ZFYVE9: variants seen among roughly 807,000 people sequenced by gnomAD.
ZFYVE9 encodes zinc finger FYVE-type containing 9, also known as zinc finger FYVE domain-containing protein 9.
Under a neutral mutation model 126.7 loss-of-function variants are expected in ZFYVE9, and 43 were observed. That is an observed-to-expected ratio of 0.34 (90% CI 0.27 to 0.44). The LOEUF is 0.44. ZFYVE9 is among the 20% of genes least tolerant of loss of function. The pLI is 1.00. For missense variants in ZFYVE9, 1,476 were observed against 1,697.0 expected, an observed-to-expected ratio of 0.87 and a Z score of 2.29; for synonymous variants, 521 against 597.4, an observed-to-expected ratio of 0.87 and a Z score of 1.87.
chr1:52,319,822 G>A (rs1439759446), intron 13 of ZFYVE9, among the ~76,000 whole-genome samples: 2 of 151,316 alleles, frequency 1.3e-5, no homozygotes, highest in Non-Finnish European at 2.9e-5. Context: ...AGACCATCCT[G>A]GCCAACATGG....
intron 1 of ZFYVE9, among the ~76,000 whole-genome samples, chr1:52,155,222 TTTC>T (rs1441725383): frequency 1.4e-5 from 2 of 146,278 alleles, no homozygotes; most frequent in Admixed American, 6.7e-5. Context: ...AGGAGCTGTT[TTTC>T]TTTTTTTTCT....
At chr1:52,160,974 T>C (rs1052174747) in intron 1 of ZFYVE9, among the ~76,000 whole-genome samples, 1 of 152,214 alleles carries the variant, frequency 6.6e-6, no homozygotes, top group African/African-American at 2.4e-5. Flanking sequence ...AGTTTGAGAT[T>C]GCATTAGCCT....
chr1:52,283,006 A>G (rs971575936), intron 10 of ZFYVE9, among the ~76,000 whole-genome samples: 3 of 152,192 alleles, frequency 2.0e-5, no homozygotes, highest in African/African-American at 7.2e-5. Flanking sequence ...GTGTAGCATT[A>G]CATAAGGGCA....
intron 1 of ZFYVE9, among the ~76,000 whole-genome samples, chr1:52,166,985 A>G (rs1644520166): frequency 6.6e-6 from 1 of 152,242 alleles, no homozygotes; most frequent in Admixed American, 6.5e-5. Context: ...TTTATAAAAA[A>G]TAATTCCCAT....
intron 1 of ZFYVE9, among the ~76,000 whole-genome samples, chr1:52,215,834 T>C (rs966818767): frequency 1.3e-5 from 2 of 152,218 alleles, no homozygotes; most frequent in African/African-American, 4.8e-5. Context: ...TAATACTGGG[T>C]TAATAGATCC....
chr1:52,299,643 G>A (rs943709626), intron 12 of ZFYVE9, among the ~76,000 whole-genome samples: 1 of 152,180 alleles, frequency 6.6e-6, no homozygotes, highest in Non-Finnish European at 1.5e-5. Flanking sequence ...TGTTCCCTGG[G>A]GCAGGGAGGT....
intron 1 of ZFYVE9, among the ~76,000 whole-genome samples, chr1:52,170,994 C>T (rs1267565516): frequency 6.6e-6 from 1 of 151,100 alleles, no homozygotes; most frequent in Non-Finnish European, 1.5e-5. Context: ...CAGATTAAGT[C>T]CGATGGTTTT....
intron 4 of ZFYVE9, among the ~76,000 whole-genome samples, chr1:52,245,625 C>G (rs1367581044): frequency 6.6e-6 from 1 of 152,194 alleles, no homozygotes; most frequent in Non-Finnish European, 1.5e-5. Flanking sequence ...AGTTACGATT[C>G]AAACTCAGGG....
At chr1:52,219,427 A>G (rs145450233) in intron 2 of ZFYVE9, among the ~76,000 whole-genome samples, 39 of 152,020 alleles carry the variant, frequency 2.6e-4, no homozygotes, top group African/African-American at 7.5e-4. Context: ...TGGTGGGTCC[A>G]TGCTTTTTTG....
intron 4 of ZFYVE9, among the ~76,000 whole-genome samples, chr1:52,249,095 A>G (rs1447529071): frequency 6.6e-6 from 1 of 152,078 alleles, no homozygotes; most frequent in African/African-American, 2.4e-5. Context: ...TCCCCTTTGC[A>G]TGCTCTGTCT....
chr1:52,177,765 A>G (rs1224782466), intron 1 of ZFYVE9, among the ~76,000 whole-genome samples: 1 of 152,110 alleles, frequency 6.6e-6, no homozygotes, highest in Non-Finnish European at 1.5e-5. Context: ...GCAGAGGAAA[A>G]CCTGGGCACA....
Position 52,317,288 on chromosome 1 carries a change from G to A in ZFYVE9, c.3438+13363G>A, listed in dbSNP as rs145390753. 7.2e-3 allele frequency among the ~76,000 whole-genome samples: 1,095 copies of A among 152,186 alleles called. 10 individuals carry two copies. Among genetic ancestry groups the A allele is most frequent in the Non-Finnish European group, 0.011 (718 of 68,000 alleles). ...AATCTCAGCACTTTGGGAGGTTGAG[G>A]TTGGGGGGATCACTTGAGGTCAGGA... On this transcript the variant is annotated intron_variant, in intron 13 of 18. Transcript: ENST00000287727.
At chr1:52,320,735 C>T (rs929985163) in intron 13 of ZFYVE9, among the ~76,000 whole-genome samples, 10 of 152,082 alleles carry the variant, frequency 6.6e-5, no homozygotes, top group Non-Finnish European at 8.8e-5. Flanking sequence ...GGTGAGGGAA[C>T]CATATATTAC....
At position 52,157,394 on chromosome 1, in the gene ZFYVE9, C is replaced by CTTTTTTTTTTTTTTTTTTTTT. The variant is rs71579908; in HGVS notation, c.-143+14995_-143+15015dup. 6.8e-5 allele frequency among the ~76,000 whole-genome samples: 4 copies of CTTTTTTTTTTTTTTTTTTTTT among 58,444 alleles called. 1 individual carries two copies. The highest frequency in any genetic ancestry group is 1.9e-3 in the South Asian group (2 of 1,044). 38.3% of individuals were successfully genotyped at this position (58,444 alleles called of 152,430 possible). A position where few individuals can be genotyped will look rare whatever the true frequency, so the allele number is the denominator to read the frequency against. ...TTTTTTCCTTATGGCACCATATTCT[C>CTTTTTTTTTTTTTTTTTTTTT]TTTTTTTTTTTTTTTTTTTTTTTTG... On this transcript the variant is annotated intron_variant, in intron 1 of 18. Coordinates refer to ENST00000287727, the MANE Select transcript of ZFYVE9 (RefSeq NM_004799.4).
At chr1:52,206,683 G>A (rs1644980956) in intron 1 of ZFYVE9, among the ~76,000 whole-genome samples, 1 of 152,100 alleles carries the variant, frequency 6.6e-6, no homozygotes, top group Non-Finnish European at 1.5e-5. Flanking sequence ...CTGAGTAGCT[G>A]GGACTACAGG....
chr1:52,305,689 A>G (rs1183282377), intron 13 of ZFYVE9, among the ~76,000 whole-genome samples: 1 of 152,042 alleles, frequency 6.6e-6, no homozygotes, highest in East Asian at 1.9e-4. Context: ...CTTCTGCTCC[A>G]TGGAGCAGGC....
chr1:52,204,712 G>A (rs1217341123), intron 1 of ZFYVE9, among the ~76,000 whole-genome samples: 1 of 152,020 alleles, frequency 6.6e-6, no homozygotes, highest in Non-Finnish European at 1.5e-5. Context: ...GGACAACAGA[G>A]CGAGACCCTG....
rs200708520 is a variant in ZFYVE9, at chr1:52,236,770, A to ATT, written c.71-716_71-715dup. 1.1e-3 allele frequency among the ~76,000 whole-genome samples: 167 copies of ATT among 152,308 alleles called. 2 individuals carry two copies. Among genetic ancestry groups the ATT allele is most frequent in the African/African-American group, 3.8e-3 (157 of 41,578 alleles). ...GTATTGTGACATGGTTACAAGCAGA[A>ATT]TTTCACGTACTGTGGCAAACTTTTT... On this transcript the variant is annotated intron_variant, in intron 3 of 18. Transcript: ENST00000287727.
chr1:52,164,062 C>T (rs1644487923), intron 1 of ZFYVE9, among the ~76,000 whole-genome samples: 1 of 152,006 alleles, frequency 6.6e-6, no homozygotes, highest in South Asian at 2.1e-4. Flanking sequence ...AGCCATCTTC[C>T]CACCTTGGTC....
Sources: allele counts gnomAD v4.1 joint callset (sites outside exome capture counted in the v4.1 genomes callset), GRCh38; gene constraint gnomAD v4.1.1; transcripts MANE v1.5; gene names NCBI Gene and HGNC (gene_info 2026-07-23, HGNC 2026-07-21).